DCDC2B: variants seen among roughly 807,000 people sequenced by gnomAD.
DCDC2B encodes doublecortin domain containing 2B.
In DCDC2B, 41 loss-of-function variants were observed where a neutral mutation model predicts 38.9. That is an observed-to-expected ratio of 1.05 (90% CI 0.82 to 1.37). The LOEUF (loss-of-function observed/expected upper bound fraction) is 1.37, where lower values mean the gene tolerates loss of function less well. Among genes scored for constraint, DCDC2B ranks in the 40% most tolerant of loss-of-function variants. DCDC2B has a pLI of 0.00. For missense variants in DCDC2B, 453 were observed against 427.2 expected, an observed-to-expected ratio of 1.06 and a Z score of -0.53; for synonymous variants, 181 against 171.9, an observed-to-expected ratio of 1.05 and a Z score of -0.41.
intron 2 of DCDC2B, 91 bp downstream of exon 2, chr1:32,211,414 GCA>G: frequency 7.3e-7 from 1 of 1,372,496 alleles, no homozygotes; most frequent in South Asian, 1.2e-5. Context: ...CAGGGAAGCA[GCA>G]GGATCTGCCA....
intron 7 of DCDC2B, chr1:32,215,214 C>A: frequency 1.7e-6 from 1 of 585,078 alleles, no homozygotes; most frequent in Non-Finnish European, 2.9e-6. Flanking sequence ...TGAAAAGAAG[C>A]ACCTGGAAAG....
At chr1:32,212,843 C>T (rs774888678) in intron 6 of DCDC2B, 50 bp downstream of exon 6, 2 of 1,593,094 alleles carry the variant, frequency 1.3e-6, no homozygotes, top group Non-Finnish European at 1.7e-6. Context: ...GAGTGACTGG[C>T]TGACAACTCT....
At chr1:32,214,707 G>A in intron 6 of DCDC2B, 90 bp from the exon 7 acceptor site, 2 of 1,550,754 alleles carry the variant, frequency 1.3e-6, no homozygotes, top group Admixed American at 2.0e-5. Flanking sequence ...GTTCCTGCAG[G>A]CGTCAGGGGC....
At position 32,212,554 on chromosome 1, in the gene DCDC2B, G is replaced by A. The variant is rs761092697; in HGVS notation, c.592G>A (p.Val198Met). ...GGAGCTGGTAACTGGCCATTACTAT[G>A]TGGCTGTCGGAGAGGATGAGTTCAA... is the stretch of plus-strand genomic sequence containing the variant. ...GKELVTGHYY[V>M]AVGEDEFKDL... The change falls in exon 5 of 9, where the codon GTG becomes ATG. Residue 198 changes from valine (V) to methionine (M), a missense_variant. Val to Met is a conservative substitution (Grantham distance 21). Transcript: ENST00000409358. 1.2e-6 allele frequency: 2 copies of A among 1,613,930 alleles called. No homozygotes were observed. The highest frequency in any genetic ancestry group is 8.5e-7 in the Non-Finnish European group (1 of 1,179,910).
rs1638254031 is a variant in DCDC2B, at chr1:32,214,888, C to T, written c.806C>T (p.Thr269Ile). 4.3e-6 allele frequency: 7 copies of T among 1,613,964 alleles called. No individual in the cohort carries two copies. Among genetic ancestry groups the T allele is most frequent in the Middle Eastern group, 1.6e-4 (1 of 6,062 alleles). Residue 269 changes from threonine (T) to isoleucine (I), a missense_variant, in exon 7 of 9, where the codon ACC (threonine) becomes ATC (isoleucine). Physicochemically the swap from Thr to Ile is moderately conservative, Grantham distance 89. Coordinates refer to ENST00000409358, the MANE Select transcript of DCDC2B (RefSeq NM_001099434.2). ...GCTTTCTATGCCAGACCCCAGCAGACCATTCAGCCAAGAAGCAAGCTCCCC... is the reference window on the plus strand; with the variant it reads ...GCTTTCTATGCCAGACCCCAGCAGATCATTCAGCCAAGAAGCAAGCTCCCC... ...PSAFYARPQQTIQPRSKLPTL... is the reference protein window; with the variant it reads ...PSAFYARPQQIIQPRSKLPTL...
Position 32,211,307 on chromosome 1 carries a change from A to G in DCDC2B, c.302A>G (p.Lys101Arg), listed in dbSNP as rs1180311373. Residue 101 changes from lysine (K) to arginine (R), a missense_variant, in exon 2 of 9, where the codon AAG becomes AGG. By Grantham distance (26) the Lys-to-Arg change is conservative. Transcript: ENST00000409358. ...LPHRGKDPGGKSCRLQGPPVT... is the reference protein window; with the variant it reads ...LPHRGKDPGGRSCRLQGPPVT... Reference sequence around the variant, plus strand: ...CATAGAGGGAAGGACCCAGGTGGGAAGAGCTGCAGACTACAAGTGAGTCCC... The same window carrying G: ...CATAGAGGGAAGGACCCAGGTGGGAGGAGCTGCAGACTACAAGTGAGTCCC... 4 of 1,613,786 alleles carry G rather than the reference A, an allele frequency of 2.5e-6. No homozygotes were observed. The highest frequency in any genetic ancestry group is 3.4e-6 in the Non-Finnish European group (4 of 1,179,852).
At chr1:32,215,616 C>A in intron 8 of DCDC2B, 73 bp downstream of exon 8, 2 of 1,413,892 alleles carry the variant, frequency 1.4e-6, no homozygotes, top group Non-Finnish European at 2.0e-6. Flanking sequence ...AGCCTTGGGC[C>A]CCAGGAACAG....
intron 6 of DCDC2B, among the ~76,000 whole-genome samples, chr1:32,213,359 G>A (rs935339388): frequency 4.1e-5 from 6 of 146,142 alleles, no homozygotes; most frequent in Non-Finnish European, 6.0e-5. Flanking sequence ...TTTTTGAGAC[G>A]GAGTTTCACT....
intron 2 of DCDC2B, 78 bp from the exon 3 acceptor site, chr1:32,211,683 C>T (rs1643591149): frequency 1.4e-6 from 2 of 1,467,766 alleles, no homozygotes; most frequent in African/African-American, 1.4e-5. Flanking sequence ...CCGGCCCCCT[C>T]ACTCCACACC....
chr1:32,213,776 C>CT, intron 6 of DCDC2B, among the ~76,000 whole-genome samples: 1 of 151,824 alleles, frequency 6.6e-6, no homozygotes. Context: ...TCCCAAAGTG[C>CT]TGGGATTACA....
chr1:32,214,983 C>T, intron 7 of DCDC2B, 51 bp downstream of exon 7: 2 of 1,608,772 alleles, frequency 1.2e-6, no homozygotes, highest in East Asian at 4.5e-5. Flanking sequence ...TTGACAGTGA[C>T]ATAGGTTGGT....
At chr1:32,211,962 T>C (rs1274710833) in intron 3 of DCDC2B, 108 bp from the exon 4 acceptor site, 3 of 1,539,644 alleles carry the variant, frequency 1.9e-6, no homozygotes, top group South Asian at 2.4e-5. Flanking sequence ...GCATGCTTGA[T>C]GGGTGAAGAG....
At chr1:32,212,371 GC>G (rs2124208263) in intron 4 of DCDC2B, 118 bp from the exon 5 acceptor site, 3 of 1,529,576 alleles carry the variant, frequency 2.0e-6, no homozygotes, top group South Asian at 2.5e-5. Context: ...GCAGGGTAGA[GC>G]CTGGGTGCCT....
At chr1:32,213,464 G>A (rs1643669137) in intron 6 of DCDC2B, among the ~76,000 whole-genome samples, 1 of 149,634 alleles carries the variant, frequency 6.7e-6, no homozygotes, top group Admixed American at 6.6e-5. Flanking sequence ...AGCCTCCCGA[G>A]TAGCTGGGAT....
intron 6 of DCDC2B, 182 bp from the exon 7 acceptor site, chr1:32,214,615 C>T: frequency 1.3e-6 from 1 of 798,244 alleles, no homozygotes; most frequent in East Asian, 2.8e-5. Flanking sequence ...CTGCTCTGTC[C>T]CTGGATAAGT....
chr1:32,215,610 T>C (rs1638318897), intron 8 of DCDC2B, 67 bp downstream of exon 8: 3 of 1,470,158 alleles, frequency 2.0e-6, no homozygotes, highest in Middle Eastern at 1.8e-4. Context: ...ACTGGCAGCC[T>C]TGGGCCCCAG....
chr1:32,211,569 G>A (rs929845748), intron 2 of DCDC2B, among the ~76,000 whole-genome samples, 192 bp from the exon 3 acceptor site: 2 of 152,220 alleles, frequency 1.3e-5, no homozygotes, highest in Non-Finnish European at 2.9e-5. Flanking sequence ...ACAGATTGGG[G>A]GAGGGGGTGG....
intron 6 of DCDC2B, 153 bp from the exon 7 acceptor site, chr1:32,214,644 C>A: frequency 9.2e-7 from 1 of 1,084,064 alleles, no homozygotes; most frequent in Non-Finnish European, 1.3e-6. Flanking sequence ...TGGGAAGAGG[C>A]AGCAAGGAGG....
intron 6 of DCDC2B, 87 bp downstream of exon 6, chr1:32,212,880 A>T (rs1410655616): frequency 2.1e-6 from 3 of 1,435,764 alleles, no homozygotes; most frequent in Middle Eastern, 5.0e-4. Context: ...ACCTTATTTC[A>T]CTGCATCCTC....
Sources: allele counts gnomAD v4.1 joint callset (sites outside exome capture counted in the v4.1 genomes callset), GRCh38; gene constraint gnomAD v4.1.1; transcripts MANE v1.5; gene names NCBI Gene and HGNC (gene_info 2026-07-23, HGNC 2026-07-21).